The following EPHA6 variants were observed in gnomAD, a reference collection of about 807,000 sequenced individuals.
EPHA6 encodes the protein ephrin type-A receptor 6.
A neutral mutation model predicts 112.0 loss-of-function variants in EPHA6; 50 were observed. The ratio of observed to expected loss-of-function variants is 0.45; its 90% CI spans 0.36 to 0.56. The LOEUF (loss-of-function observed/expected upper bound fraction) is 0.56. EPHA6 is among the 20% of genes least tolerant of loss of function. The probability of loss-of-function intolerance (pLI) is 0.00; values close to 1 mark genes in which losing one functional copy is unlikely to be tolerated. For synonymous variants in EPHA6, 529 were observed against 490.7 expected (o/e 1.08, Z -1.03); for missense variants, 1,280 against 1,417.4 (o/e 0.90, Z 1.56).
At chr3:97,372,304 C>T (rs1372931836) in intron 5 of EPHA6, among the ~76,000 whole-genome samples, 1 of 152,004 alleles carries the variant, frequency 6.6e-6, no homozygotes, top group Non-Finnish European at 1.5e-5. Context: ...AGAAAAGGAC[C>T]CAAGTGAAAT....
Position 97,511,884 on chromosome 3 carries a change from T to C in EPHA6, c.2201-20474T>C, listed in dbSNP as rs138319580. On this transcript the variant is annotated intron_variant, in intron 10 of 17. Transcript: ENST00000389672. ...CATATTTTTTTTTCATTTAACATCA[T>C]TGAATTTGGATTGCTTCTTATAATT... is the stretch of plus-strand genomic sequence containing the variant. 6.7e-4 allele frequency among the ~76,000 whole-genome samples: 102 copies of C among 152,282 alleles called. 1 individual carries two copies. In the East Asian group the frequency reaches 0.018, roughly 27 times the overall value.
chr3:97,581,525 G>A (rs1334985589), intron 11 of EPHA6, among the ~76,000 whole-genome samples: 1 of 152,190 alleles, frequency 6.6e-6, no homozygotes, highest in African/African-American at 2.4e-5. Flanking sequence ...TATACTGCAA[G>A]TTAAAAATGT....
At chr3:97,379,117 G>T (rs770168373) in intron 5 of EPHA6, among the ~76,000 whole-genome samples, 3 of 152,082 alleles carry the variant, frequency 2.0e-5, no homozygotes, top group African/African-American at 4.8e-5. Context: ...GAATCATGGG[G>T]GTGGCTTCCC....
At chr3:97,736,466 AGAGAGT>A (rs1278483689) in intron 16 of EPHA6, among the ~76,000 whole-genome samples, 5,019 of 111,382 alleles carry the variant, frequency 0.045, 76 homozygotes, top group Middle Eastern at 0.083. Flanking sequence ...AGAGAGAGAG[AGAGAGT>A]GTGTGTGTGT....
At position 97,128,654 on chromosome 3, in the gene EPHA6, G is replaced by C. The variant is rs181823720; in HGVS notation, c.1115-97610G>C. On this transcript the variant is annotated intron_variant, in intron 3 of 17. Coordinates refer to ENST00000389672, the MANE Select transcript of EPHA6 (RefSeq NM_001080448.3). ...GTCAACCTCTTAAGTAGCTGGAACC[G>C]CAGGCACAGAGCCACCACGCCTGGC... Among the ~76,000 whole-genome samples, 286 of 151,922 alleles carry C rather than the reference G, an allele frequency of 1.9e-3. 3 individuals are homozygous for C. The highest frequency in any genetic ancestry group is 6.3e-3 in the African/African-American group (261 of 41,440).
intron 2 of EPHA6, among the ~76,000 whole-genome samples, chr3:96,943,886 A>G (rs953218024): frequency 6.6e-6 from 1 of 152,150 alleles, no homozygotes; most frequent in Non-Finnish European, 1.5e-5. Flanking sequence ...AAAGGAATGA[A>G]TTTGAGATGT....
intron 3 of EPHA6, among the ~76,000 whole-genome samples, chr3:97,181,369 T>C (rs2108451803): frequency 6.6e-6 from 1 of 152,196 alleles, no homozygotes; most frequent in East Asian, 1.9e-4. Context: ...GAAGGTGTTT[T>C]TTCTCTGTAG....
chr3:97,669,760 T>C (rs181575168), intron 14 of EPHA6, among the ~76,000 whole-genome samples: 47 of 152,310 alleles, frequency 3.1e-4, no homozygotes, highest in African/African-American at 9.9e-4. Context: ...AAACATAAAT[T>C]GTTCAGGTTA....
At chr3:96,866,330 TAATG>T (rs1176343248) in intron 1 of EPHA6, among the ~76,000 whole-genome samples, 1 of 152,034 alleles carries the variant, frequency 6.6e-6, no homozygotes, top group Non-Finnish European at 1.5e-5. Flanking sequence ...TATATAATAA[TAATG>T]TAGTCAGTGC....
intron 7 of EPHA6, among the ~76,000 whole-genome samples, chr3:97,453,307 C>A (rs1302630888): frequency 1.3e-5 from 2 of 151,606 alleles, no homozygotes; most frequent in Non-Finnish European, 3.0e-5. Flanking sequence ...TGGCAATTTA[C>A]CTCTTCCATT....
chr3:97,323,095 T>G (rs1322359523), intron 5 of EPHA6, among the ~76,000 whole-genome samples: 2 of 151,996 alleles, frequency 1.3e-5, no homozygotes, highest in African/African-American at 4.8e-5. Context: ...AACAAAATAC[T>G]CTACACCACA....
chr3:97,654,552 T>C (rs181091636), intron 14 of EPHA6, among the ~76,000 whole-genome samples: 1 of 152,060 alleles, frequency 6.6e-6, no homozygotes, highest in South Asian at 2.1e-4. Flanking sequence ...TTGAAAGACA[T>C]GGCCAGTAAA....
chr3:97,598,338 A>T (rs1410347465), intron 12 of EPHA6, among the ~76,000 whole-genome samples: 1 of 150,936 alleles, frequency 6.6e-6, no homozygotes, highest in Non-Finnish European at 1.5e-5. Flanking sequence ...ATATGTATAC[A>T]TGTGCCATGC....
intron 2 of EPHA6, among the ~76,000 whole-genome samples, chr3:96,938,593 T>C (rs28874123): frequency 6.6e-6 from 1 of 151,986 alleles, no homozygotes; most frequent in African/African-American, 2.4e-5. Flanking sequence ...AATTGAATAC[T>C]CTTTATTTCC....
chr3:97,691,134 T>C (rs960300148), intron 14 of EPHA6, among the ~76,000 whole-genome samples: 3 of 152,040 alleles, frequency 2.0e-5, no homozygotes, highest in Non-Finnish European at 4.4e-5. Flanking sequence ...AAGTTAGGAG[T>C]CTAATTTTCT....
At chr3:97,129,613 CAGTA>C (rs2048283880) in intron 3 of EPHA6, among the ~76,000 whole-genome samples, 1 of 151,354 alleles carries the variant, frequency 6.6e-6, no homozygotes, top group African/African-American at 2.4e-5. Context: ...CTTCTTAAAA[CAGTA>C]AGGCACTTTA....
intron 3 of EPHA6, among the ~76,000 whole-genome samples, chr3:97,167,992 A>G (rs1312517825): frequency 6.6e-6 from 1 of 152,072 alleles, no homozygotes; most frequent in Non-Finnish European, 1.5e-5. Flanking sequence ...GATTTAAACT[A>G]TTAAAGATTT....
At chr3:96,880,089 C>A (rs946673612) in intron 2 of EPHA6, among the ~76,000 whole-genome samples, 2 of 151,854 alleles carry the variant, frequency 1.3e-5, no homozygotes, top group African/African-American at 4.8e-5. Flanking sequence ...CACCTATACT[C>A]CGAAAGCTAT....
chr3:97,199,448 T>A (rs1301687277), intron 3 of EPHA6, among the ~76,000 whole-genome samples: 2 of 152,120 alleles, frequency 1.3e-5, no homozygotes, highest in Admixed American at 1.3e-4. Flanking sequence ...CTGATTTAAT[T>A]GGCCTGGCAA....
Sources: allele counts gnomAD v4.1 joint callset (sites outside exome capture counted in the v4.1 genomes callset), GRCh38; gene constraint gnomAD v4.1.1; transcripts MANE v1.5; gene names NCBI Gene and HGNC (gene_info 2026-07-23, HGNC 2026-07-21).